The following EFHB variants were observed in gnomAD, a reference collection of about 807,000 sequenced individuals.
EFHB encodes the protein EF-hand domain-containing family member B.
Under a neutral mutation model 87.2 loss-of-function variants are expected in EFHB, and 91 were observed. The observed-to-expected ratio is 1.04, with a 90% CI of 0.88 to 1.24. The LOEUF (loss-of-function observed/expected upper bound fraction) is 1.24, where lower values mean the gene tolerates loss of function less well. Among genes scored for constraint, EFHB ranks in the 50% most tolerant of loss-of-function variants. The pLI is 0.00. For missense variants in EFHB, 1,084 were observed against 998.8 expected (o/e 1.09, Z -1.15); for synonymous variants, 325 against 333.6 (o/e 0.97, Z 0.28).
intron 10 of EFHB, among the ~76,000 whole-genome samples, chr3:19,886,110 A>C (rs1694091820): frequency 6.6e-6 from 1 of 152,180 alleles, no homozygotes; most frequent in African/African-American, 2.4e-5. Context: ...GGTCTGAAAT[A>C]AGCTTTTGCT....
chr3:19,892,083 CCAGTCCAAT>C lies in EFHB; in HGVS notation c.1726-3441_1726-3433del, dbSNP rs1309666166. Among the ~76,000 whole-genome samples, 15 of 152,280 alleles carry C rather than the reference CCAGTCCAAT, an allele frequency of 9.9e-5. 1 individual carries two copies. The highest frequency in any genetic ancestry group is 9.1e-4 in the Admixed American group (14 of 15,308). ...TTATTCAAGTTATGGAATTGCCATT[CCAGTCCAAT>C]CATATGGGTCTAGTCCCAACAGTAG... is the stretch of plus-strand genomic sequence containing the variant. On this transcript the variant is annotated intron_variant, in intron 9 of 12. Coordinates refer to ENST00000295824, the MANE Select transcript of EFHB (RefSeq NM_144715.4).
Position 19,884,395 on chromosome 3 carries a change from T to A in EFHB, c.2146+8A>T. On this transcript the variant is annotated splice_region_variant and intron_variant, in intron 11 of 12. Coordinates refer to ENST00000295824, the MANE Select transcript of EFHB (RefSeq NM_144715.4). ...ATGCTTTTAAAACTTGACAAATAAG[T>A]GACATACAAGTAGAAGGAATGGCTC... The A allele has an allele frequency of 6.2e-7, 1 of 1,610,498 alleles. No individual in the cohort carries two copies. Among genetic ancestry groups the A allele is most frequent in the Non-Finnish European group, 8.5e-7 (1 of 1,178,114 alleles).
upstream of EFHB, chr3:19,936,141 C>A: frequency 6.7e-7 from 1 of 1,495,378 alleles, no homozygotes; most frequent in South Asian, 1.2e-5. Context: ...AGTCACTCAC[C>A]TGTAATCTCA....
At position 19,882,678 on chromosome 3, in the gene EFHB, T is replaced by A. The variant is rs1169285514; in HGVS notation, c.2200A>T (p.Ile734Phe). The A allele has an allele frequency of 6.2e-6, 10 of 1,613,718 alleles. No homozygotes were observed. In the Admixed American group the frequency reaches 1.5e-4, roughly 24 times the overall value. ...TIRSDIPAPR[I>F]RRISDRTNYG... The stretch of plus-strand genomic sequence containing the variant: ...TTAGTTCTGTCACTGATGCGACGAA[T>A]TCGGGGAGCAGGAATGTCAGATCGA... Residue 734 changes from isoleucine to phenylalanine, a missense_variant, in exon 12 of 13, where the codon ATT (isoleucine) becomes TTT (phenylalanine). Ile to Phe is a conservative substitution (Grantham distance 21). Coordinates refer to ENST00000295824, the MANE Select transcript of EFHB (RefSeq NM_144715.4).
chr3:19,931,369 G>A (rs1464950885), intron 1 of EFHB, among the ~76,000 whole-genome samples: 1 of 152,228 alleles, frequency 6.6e-6, no homozygotes, highest in East Asian at 1.9e-4. Flanking sequence ...TGCCTGTGCT[G>A]GAAACTGGAA....
At chr3:19,937,264 GTTTTA>G (rs928721685), upstream of EFHB, among the ~76,000 whole-genome samples, 3 of 151,938 alleles carry the variant, frequency 2.0e-5, no homozygotes, top group Admixed American at 2.0e-4. Context: ...AATTTAAATA[GTTTTA>G]TTTAAGACAT....
chr3:19,882,059 A>ATAAT lies in EFHB; in HGVS notation c.2328+487_2328+490dup, dbSNP rs538306966. ...AATAAATAAATAAATAAATAAATAAATAATTAAATAAGACAGATGTATTAC... is the reference window on the plus strand; with the variant it reads ...AATAAATAAATAAATAAATAAATAAATAATTAATTAAATAAGACAGATGTATTAC... On this transcript the variant is annotated intron_variant, in intron 12 of 12. Coordinates refer to ENST00000295824, the MANE Select transcript of EFHB (RefSeq NM_144715.4). Among the ~76,000 whole-genome samples the ATAAT allele has an allele frequency of 8.3e-5, 9 of 107,952 alleles. No homozygotes were observed. In the South Asian group the frequency reaches 1.3e-3, roughly 15 times the overall value. 70.8% of individuals were successfully genotyped at this position (107,952 alleles called of 152,430 possible). A position where few individuals can be genotyped will look rare whatever the true frequency, so the allele number is the denominator to read the frequency against.
At chr3:19,893,303 A>C (rs912163073) in intron 9 of EFHB, among the ~76,000 whole-genome samples, 13 of 152,122 alleles carry the variant, frequency 8.5e-5, no homozygotes, top group African/African-American at 3.1e-4. Flanking sequence ...GGGACCAGGG[A>C]TTTCTTAGAA....
At chr3:19,938,863 T>A (rs139722997), upstream of EFHB, among the ~76,000 whole-genome samples, 7 of 152,140 alleles carry the variant, frequency 4.6e-5, no homozygotes, top group Non-Finnish European at 1.0e-4. Context: ...ACCCAGGGCG[T>A]GTAGTTCCAC....
intron 1 of EFHB, among the ~76,000 whole-genome samples, chr3:19,929,195 C>CT (rs1223123027): frequency 1.2e-4 from 16 of 132,176 alleles, no homozygotes; most frequent in African/African-American, 3.8e-4. Context: ...TATAAAAAGA[C>CT]TTTTTTTTTA....
At chr3:19,884,376 T>C (rs1240904690) in intron 11 of EFHB, 27 bp downstream of exon 11, 1 of 1,602,594 alleles carries the variant, frequency 6.2e-7, no homozygotes, top group Non-Finnish European at 8.5e-7. Context: ...GTTGATGCTT[T>C]TAAAACTTGA....
chr3:19,928,538 A>C (rs1015493225), intron 1 of EFHB, among the ~76,000 whole-genome samples: 1 of 152,208 alleles, frequency 6.6e-6, no homozygotes, highest in Non-Finnish European at 1.5e-5. Flanking sequence ...TCCGCCACCC[A>C]GGCTCAAGTG....
chr3:19,887,856 C>T (rs9865514), intron 10 of EFHB, among the ~76,000 whole-genome samples: 3 of 151,982 alleles, frequency 2.0e-5, no homozygotes, highest in Non-Finnish European at 4.4e-5. Flanking sequence ...TTGTGTGTTT[C>T]CTGGGAAAGG....
intron 1 of EFHB, among the ~76,000 whole-genome samples, chr3:19,929,572 G>A (rs369742681): frequency 2.0e-5 from 3 of 151,908 alleles, no homozygotes; most frequent in East Asian, 1.9e-4. Flanking sequence ...AGCCGGGTGT[G>A]GGGGCAGGCA....
At chr3:19,885,531 A>G (rs1053639948) in intron 10 of EFHB, among the ~76,000 whole-genome samples, 4 of 152,224 alleles carry the variant, frequency 2.6e-5, no homozygotes, top group African/African-American at 9.6e-5. Flanking sequence ...TTAGGAATAA[A>G]TTCCTGCAAT....
chr3:19,912,656 C>A (rs973389235), intron 5 of EFHB, among the ~76,000 whole-genome samples: 1 of 152,024 alleles, frequency 6.6e-6, no homozygotes, highest in African/African-American at 2.4e-5. Context: ...GTAACTACAA[C>A]AACTTTTCAA....
At chr3:19,917,097 A>C (rs1263134908) in intron 4 of EFHB, among the ~76,000 whole-genome samples, 1 of 151,968 alleles carries the variant, frequency 6.6e-6, no homozygotes, top group African/African-American at 2.4e-5. Flanking sequence ...GAGGCAGGGA[A>C]TAGTCACTCA....
intron 5 of EFHB, among the ~76,000 whole-genome samples, chr3:19,909,563 G>C (rs1429616890): frequency 6.6e-6 from 1 of 152,132 alleles, no homozygotes; most frequent in Non-Finnish European, 1.5e-5. Context: ...GGTGGGGTAG[G>C]TGGTGGGATA....
intron 5 of EFHB, among the ~76,000 whole-genome samples, chr3:19,913,770 C>T (rs181764791): frequency 6.6e-6 from 1 of 152,264 alleles, no homozygotes; most frequent in Admixed American, 6.5e-5. Flanking sequence ...AATCACATTA[C>T]TTGACTTCAA....
Sources: allele counts gnomAD v4.1 joint callset (sites outside exome capture counted in the v4.1 genomes callset), GRCh38; gene constraint gnomAD v4.1.1; transcripts MANE v1.5; gene names NCBI Gene and HGNC (gene_info 2026-07-23, HGNC 2026-07-21).